Variants in CASZ1 observed in about 807,000 individuals in gnomAD.
CASZ1 encodes castor zinc finger 1.
In CASZ1, 28 loss-of-function variants were observed where a neutral mutation model predicts 135.2. The ratio of observed to expected loss-of-function variants is 0.21; its 90% CI spans 0.15 to 0.28. CASZ1 has a LOEUF of 0.28. Ranked by LOEUF, CASZ1 falls within the 10% of genes least tolerant of loss-of-function variation. The pLI is 1.00. For missense variants in CASZ1, 2,161 were observed against 2,453.3 expected, an observed-to-expected ratio of 0.88 and a Z score of 2.52; for synonymous variants, 1,068 against 1,073.4, an observed-to-expected ratio of 0.99 and a Z score of 0.10.
At chr1:10,760,502 C>T (rs980820930) in intron 2 of CASZ1, among the ~76,000 whole-genome samples, 199 bp downstream of exon 2, 8 of 152,214 alleles carry the variant, frequency 5.3e-5, no homozygotes, top group African/African-American at 1.9e-4. Flanking sequence ...ATGCAGGTGC[C>T]CTGCTCCCAG....
intron 1 of CASZ1, among the ~76,000 whole-genome samples, chr1:10,795,104 A>C (rs1641039592): frequency 6.6e-6 from 1 of 152,064 alleles, no homozygotes; most frequent in Non-Finnish European, 1.5e-5. Flanking sequence ...CCACCGAGTA[A>C]AAATAAACCG....
intron 2 of CASZ1, among the ~76,000 whole-genome samples, chr1:10,738,929 T>G (rs1404746279): frequency 2.0e-5 from 3 of 149,366 alleles, no homozygotes; most frequent in African/African-American, 7.4e-5. Flanking sequence ...TTTTTTTTTT[T>G]TTTTTTTTTT....
rs1196693577 is a variant in CASZ1, at chr1:10,648,139, G to A, written c.3159C>T (p.Asn1053=). 1 of 1,504,942 alleles carries A rather than the reference G, an allele frequency of 6.6e-7. No individual in the cohort carries two copies. Among genetic ancestry groups the A allele is most frequent in the Admixed American group, 2.3e-5 (1 of 43,730 alleles). The allele number at this position is 1,504,942 out of a possible 1,614,324, so 93.2% of individuals were successfully genotyped here. ...CTCCTCCCTCTGTCCGGAAGTGGAA[G>A]CTGCGAGAGGTAGAAGAGGGGGTCT... ...STLDGAIKHA[N]FHFRTEGGAA... is the part of the protein sequence containing the mutation. Residue 1053 remains asparagine (N), a splice_region_variant and synonymous_variant, in exon 16 of 21, where the codon AAC becomes AAT. Coordinates refer to ENST00000377022, the MANE Select transcript of CASZ1 (RefSeq NM_001079843.3).
At chr1:10,718,312 C>A (rs539455525) in intron 2 of CASZ1, among the ~76,000 whole-genome samples, 7 of 152,364 alleles carry the variant, frequency 4.6e-5, no homozygotes, top group African/African-American at 1.7e-4. Flanking sequence ...ACTCGGCAGC[C>A]CAGGCCCTGC....
At chr1:10,732,692 G>A (rs1194628556) in intron 2 of CASZ1, among the ~76,000 whole-genome samples, 3 of 152,178 alleles carry the variant, frequency 2.0e-5, no homozygotes, top group African/African-American at 4.8e-5. Context: ...AGAATCACCC[G>A]GGGAGGTGGC....
chr1:10,740,960 CAAAAAAAAA>C (rs374464130), intron 2 of CASZ1, among the ~76,000 whole-genome samples: 1 of 61,462 alleles, frequency 1.6e-5, no homozygotes, highest in Admixed American at 2.2e-4. Flanking sequence ...CCTGTCTGGA[CAAAAAAAAA>C]AAAAAAAAGA....
chr1:10,643,374 C>T (rs1458319918), intron 18 of CASZ1, 63 bp from the exon 19 acceptor site: 2 of 1,558,906 alleles, frequency 1.3e-6, no homozygotes, highest in Admixed American at 1.8e-5. Flanking sequence ...CTTCCAGGTC[C>T]TGTTGGGCAC....
At chr1:10,781,920 G>T (rs1295359000) in intron 1 of CASZ1, among the ~76,000 whole-genome samples, 3 of 152,214 alleles carry the variant, frequency 2.0e-5, no homozygotes, top group African/African-American at 7.2e-5. Context: ...GATTTGAGCC[G>T]AGGACTTTAC....
intron 4 of CASZ1, among the ~76,000 whole-genome samples, chr1:10,688,892 G>A (rs1045192554): frequency 1.3e-5 from 2 of 152,068 alleles, no homozygotes; most frequent in Non-Finnish European, 2.9e-5. Flanking sequence ...ATTGTACCCT[G>A]GCCCAGCTAC....
At position 10,639,590 on chromosome 1, in the gene CASZ1, G is replaced by A. The variant is rs758265341; in HGVS notation, c.4632C>T (p.Ser1544=). The change falls in exon 21 of 21, where the codon AGC becomes AGT. Residue 1544 remains serine, a synonymous_variant. Transcript: ENST00000377022. This position sits in a 1 kb window ranked among gnomAD's most constrained non-coding sequence, Gnocchi z 4.0. ...AGCTGAACTGGCAGAAGCCCGCGGC[G>A]CTGATCACGTCCTGTTTGCCGTGGT... is the stretch of plus-strand genomic sequence containing the variant. ...RKHHGKQDVI[S]AAGFCQFSSS... 156 of 1,611,684 alleles carry A rather than the reference G, an allele frequency of 9.7e-5. No individual in the cohort carries two copies. Among genetic ancestry groups the A allele is most frequent in the Non-Finnish European group, 1.2e-4 (143 of 1,179,714 alleles).
intron 1 of CASZ1, among the ~76,000 whole-genome samples, chr1:10,763,259 T>G (rs976022429): frequency 1.6e-4 from 25 of 152,036 alleles, no homozygotes; most frequent in Non-Finnish European, 4.4e-5. Flanking sequence ...GGTGAAGAAG[T>G]GAGAAGCTGA....
chr1:10,736,893 G>A (rs905652255), intron 2 of CASZ1, among the ~76,000 whole-genome samples: 2 of 152,342 alleles, frequency 1.3e-5, no homozygotes, highest in South Asian at 2.1e-4. Flanking sequence ...GGAGGTGCCC[G>A]GGCCTGCAGG....
At chr1:10,650,846 C>A (rs1004724214) in intron 12 of CASZ1, 91 bp from the exon 13 acceptor site, 5 of 1,598,742 alleles carry the variant, frequency 3.1e-6, no homozygotes, top group Admixed American at 1.7e-5. Flanking sequence ...GGGCTCCAGC[C>A]GAGCCCGCTG....
At chr1:10,728,971 C>T (rs1639647114) in intron 2 of CASZ1, among the ~76,000 whole-genome samples, 1 of 151,796 alleles carries the variant, frequency 6.6e-6, no homozygotes, top group Non-Finnish European at 1.5e-5. Context: ...AGAGGCCTTC[C>T]CCCCCCACTC....
chr1:10,710,625 C>T (rs190988987), intron 2 of CASZ1, among the ~76,000 whole-genome samples: 47 of 152,366 alleles, frequency 3.1e-4, no homozygotes, highest in Middle Eastern at 3.4e-3. Flanking sequence ...CAGCTCAGGG[C>T]TCAGCGTGGT....
At chr1:10,764,784 C>T (rs1405114855) in intron 1 of CASZ1, among the ~76,000 whole-genome samples, 2 of 152,206 alleles carry the variant, frequency 1.3e-5, no homozygotes, top group Non-Finnish European at 2.9e-5. Context: ...GCAGTGCTCA[C>T]ACGTCACAAT....
At chr1:10,669,422 C>T (rs1643337998) in intron 4 of CASZ1, among the ~76,000 whole-genome samples, 1 of 152,220 alleles carries the variant, frequency 6.6e-6, no homozygotes, top group Non-Finnish European at 1.5e-5. Context: ...CAGATTGCTA[C>T]AATAAATAAT....
Position 10,757,120 on chromosome 1 carries a change from G to A in CASZ1, c.-77+3581C>T, listed in dbSNP as rs1332362175. Among the ~76,000 whole-genome samples the A allele has an allele frequency of 6.6e-6, 1 of 152,114 alleles. No individual in the cohort carries two copies. Among genetic ancestry groups the A allele is most frequent in the Non-Finnish European group, 1.5e-5 (1 of 68,020 alleles). On this transcript the variant is annotated intron_variant, in intron 2 of 20. Coordinates refer to ENST00000377022, the MANE Select transcript of CASZ1 (RefSeq NM_001079843.3). The surrounding 1 kb of genome is among the most constrained non-coding windows in gnomAD (Gnocchi z 4.6). The stretch of plus-strand genomic sequence containing the variant: ...CGCAAGGAGCCCGACCCACTCAAAC[G>A]AGCCTTTCTCAGCACCCAGCATGGT...
chr1:10,669,404 T>C (rs1643337595), intron 4 of CASZ1, among the ~76,000 whole-genome samples: 1 of 152,220 alleles, frequency 6.6e-6, no homozygotes, highest in South Asian at 2.1e-4. Context: ...ATGGGTAAAA[T>C]GGTGCAGCAG....
Sources: allele counts gnomAD v4.1 joint callset (sites outside exome capture counted in the v4.1 genomes callset), GRCh38; gene constraint gnomAD v4.1.1; non-coding constraint Gnocchi (gnomAD v3.1); transcripts MANE v1.5; gene names NCBI Gene and HGNC (gene_info 2026-07-23, HGNC 2026-07-21).